The following NTRK3 variants were observed in gnomAD, a reference collection of about 807,000 sequenced individuals.
NTRK3 encodes neurotrophic receptor tyrosine kinase 3, also known as NT-3 growth factor receptor.
In NTRK3, 24 loss-of-function variants were observed where a neutral mutation model predicts 91.7. That is an observed-to-expected ratio of 0.26 (90% CI 0.19 to 0.37). The LOEUF (loss-of-function observed/expected upper bound fraction) is 0.37, where lower values mean the gene tolerates loss of function less well. NTRK3 is among the 10% of genes least tolerant of loss of function. The pLI is 1.00. For synonymous variants in NTRK3, 483 were observed against 404.0 expected (o/e 1.20, Z -2.34); for missense variants, 880 against 1,068.9 (o/e 0.82, Z 2.46).
intron 14 of NTRK3, among the ~76,000 whole-genome samples, chr15:87,962,252 G>T (rs915291025): frequency 2.0e-5 from 3 of 152,102 alleles, no homozygotes. Context: ...TGCATCATCT[G>T]CTCTGCTGTC....
At chr15:88,071,124 G>A (rs2047056814) in intron 13 of NTRK3, among the ~76,000 whole-genome samples, 1 of 152,218 alleles carries the variant, frequency 6.6e-6, no homozygotes, top group Admixed American at 6.5e-5. Flanking sequence ...GAAGAAGGAT[G>A]GCAGTCATGC....
At chr15:87,952,050 T>A (rs2141119251) in intron 14 of NTRK3, among the ~76,000 whole-genome samples, 1 of 151,880 alleles carries the variant, frequency 6.6e-6, no homozygotes, top group Non-Finnish European at 1.5e-5. Context: ...TCGCTTGAAC[T>A]TGGGAGGCAG....
At chr15:88,094,376 G>A (rs947607599) in intron 13 of NTRK3, among the ~76,000 whole-genome samples, 10 of 150,854 alleles carry the variant, frequency 6.6e-5, no homozygotes, top group African/African-American at 2.4e-4. Flanking sequence ...GGCTGAGGCA[G>A]GAGAATGGCG....
At chr15:88,193,644 G>A (rs997732026) in intron 3 of NTRK3, among the ~76,000 whole-genome samples, 3 of 152,086 alleles carry the variant, frequency 2.0e-5, no homozygotes, top group Non-Finnish European at 4.4e-5. Context: ...ATCCCCAAAG[G>A]GATCAATGTC....
At chr15:88,182,590 C>G (rs530538864) in intron 5 of NTRK3, among the ~76,000 whole-genome samples, 1 of 152,192 alleles carries the variant, frequency 6.6e-6, no homozygotes, top group Non-Finnish European at 1.5e-5. Flanking sequence ...TCTTTGGGAA[C>G]ATGCCCAAAG....
At chr15:88,160,814 G>T (rs1303643743) in intron 5 of NTRK3, among the ~76,000 whole-genome samples, 1 of 152,184 alleles carries the variant, frequency 6.6e-6, no homozygotes, top group Non-Finnish European at 1.5e-5. Context: ...GGGAACAGTG[G>T]CTGTGTGGGT....
chr15:87,907,976 T>TA (rs1179403325), intron 17 of NTRK3, among the ~76,000 whole-genome samples: 1 of 152,164 alleles, frequency 6.6e-6, no homozygotes, highest in African/African-American at 2.4e-5. Flanking sequence ...AGACCACGCT[T>TA]CATCTGAGGT....
At chr15:88,153,547 G>A (rs1268883175) in intron 5 of NTRK3, among the ~76,000 whole-genome samples, 1 of 152,156 alleles carries the variant, frequency 6.6e-6, no homozygotes, top group Admixed American at 6.5e-5. Context: ...AAGCCACTGT[G>A]CCCAGCCTCT....
At chr15:88,109,869 T>C (rs1371263550) in intron 13 of NTRK3, among the ~76,000 whole-genome samples, 1 of 152,184 alleles carries the variant, frequency 6.6e-6, no homozygotes, top group African/African-American at 2.4e-5. Flanking sequence ...ACTCACAGCT[T>C]TTCTGAGTGC....
chr15:88,046,682 G>A (rs2142218463), intron 13 of NTRK3, among the ~76,000 whole-genome samples: 1 of 152,244 alleles, frequency 6.6e-6, no homozygotes, highest in East Asian at 1.9e-4. Context: ...CACCTTCATG[G>A]CACCTTGAAC....
At chr15:87,923,802 A>G (rs1230811118) in intron 17 of NTRK3, among the ~76,000 whole-genome samples, 1 of 152,112 alleles carries the variant, frequency 6.6e-6, no homozygotes, top group Non-Finnish European at 1.5e-5. Context: ...GAATGGATTA[A>G]TGTTGTTATC....
intron 3 of NTRK3, among the ~76,000 whole-genome samples, chr15:88,198,114 A>G (rs893988520): frequency 1.3e-5 from 2 of 152,226 alleles, no homozygotes; most frequent in Non-Finnish European, 2.9e-5. Context: ...TTCAAAAAGA[A>G]AAGCAATCCT....
Position 88,241,618 on chromosome 15 carries a change from C to A in NTRK3, c.248+14288G>T, listed in dbSNP as rs929532627. ...TGGGGCAGGTCAGCCGCTGGTTGGG[C>A]AGAATGCCAGCTGGGTGCTGGGAGC... On this transcript the variant is annotated intron_variant, in intron 3 of 18. Coordinates refer to ENST00000394480, the Ensembl canonical transcript of NTRK3. The surrounding 1 kb of genome is among the most constrained non-coding windows in gnomAD (Gnocchi z 4.3). Among the ~76,000 whole-genome samples the A allele has an allele frequency of 6.6e-6, 1 of 152,150 alleles. No homozygotes were observed. Among genetic ancestry groups the A allele is most frequent in the Non-Finnish European group, 1.5e-5 (1 of 68,026 alleles).
intron 7 of NTRK3, 49 bp from the exon 8 acceptor site, chr15:88,136,658 C>A (rs1489799736): frequency 6.3e-7 from 1 of 1,591,030 alleles, no homozygotes; most frequent in Non-Finnish European, 8.6e-7. Flanking sequence ...ACTTACTACC[C>A]AAAGGAAGCT....
chr15:88,059,049 A>C (rs199788300), intron 13 of NTRK3, among the ~76,000 whole-genome samples: 2 of 144,620 alleles, frequency 1.4e-5, no homozygotes, highest in Non-Finnish European at 3.0e-5. Context: ...CTCACACACA[A>C]ACACACACAC....
chr15:88,016,592 C>A (rs2077247467), intron 14 of NTRK3, among the ~76,000 whole-genome samples: 1 of 152,210 alleles, frequency 6.6e-6, no homozygotes, highest in Non-Finnish European at 1.5e-5. Flanking sequence ...CTCCCAGGGG[C>A]CTCTCATTCA....
At chr15:88,089,373 G>A (rs558497363) in intron 13 of NTRK3, among the ~76,000 whole-genome samples, 1 of 152,304 alleles carries the variant, frequency 6.6e-6, no homozygotes, top group East Asian at 1.9e-4. Context: ...AATCAGAGAT[G>A]TACGTGGAGA....
At chr15:87,898,549 T>C (rs1258588151) in intron 17 of NTRK3, among the ~76,000 whole-genome samples, 1 of 152,190 alleles carries the variant, frequency 6.6e-6, no homozygotes, top group Non-Finnish European at 1.5e-5. Flanking sequence ...ATTCTGTGTG[T>C]GAAGCTTCTT....
chr15:87,992,965 T>A (rs887685897), intron 14 of NTRK3, among the ~76,000 whole-genome samples: 24 of 152,234 alleles, frequency 1.6e-4, no homozygotes, highest in African/African-American at 5.1e-4. Flanking sequence ...TACAACAATA[T>A]GCCACATTAT....
Sources: gnomAD v4.1 joint callset for allele counts (sites outside exome capture counted in the v4.1 genomes callset) on GRCh38, gnomAD v4.1.1 for gene constraint, Gnocchi (gnomAD v3.1) non-coding constraint, MANE v1.5 for transcripts, NCBI Gene and HGNC (gene_info 2026-07-23, HGNC 2026-07-21) for gene names.